AGAP1: variants seen among roughly 807,000 people sequenced by gnomAD.
The protein encoded by AGAP1 is ArfGAP with GTPase domain, ankyrin repeat and PH domain 1.
AGAP1 carries 29 observed loss-of-function variants against 105.3 expected under a neutral mutation model. The ratio of observed to expected loss-of-function variants is 0.28; its 90% CI spans 0.21 to 0.38. The LOEUF is 0.38. Among genes scored for constraint, AGAP1 ranks in the 10% least tolerant of loss-of-function variants. AGAP1 has a pLI of 1.00. For synonymous variants in AGAP1, 509 were observed against 485.9 expected, an observed-to-expected ratio of 1.05 and a Z score of -0.63; for missense variants, 998 against 1,165.1, an observed-to-expected ratio of 0.86 and a Z score of 2.09.
At chr2:235,984,684 T>A (rs1014186573) in intron 13 of AGAP1, among the ~76,000 whole-genome samples, 1 of 152,100 alleles carries the variant, frequency 6.6e-6, no homozygotes, top group African/African-American at 2.4e-5. Flanking sequence ...TTCCCACTTA[T>A]GAGTGAGAAC....
At position 235,691,110 on chromosome 2, in the gene AGAP1, C is replaced by T. The variant is rs375091709; in HGVS notation, c.164-18069C>T. 2.6e-5 allele frequency among the ~76,000 whole-genome samples: 4 copies of T among 152,234 alleles called. No homozygotes were observed. In the South Asian group the frequency reaches 8.3e-4, roughly 32 times the overall value. ...CTCCTCCAGACTCTGCTCCCTAGGCCGAGGTGAGGCCAGCAAGGAGTCTGC... is the reference window on the plus strand; with the variant it reads ...CTCCTCCAGACTCTGCTCCCTAGGCTGAGGTGAGGCCAGCAAGGAGTCTGC... On this transcript the variant is annotated intron_variant, in intron 1 of 17. Coordinates refer to ENST00000304032, the MANE Select transcript of AGAP1 (RefSeq NM_001037131.3). The surrounding 1 kb of genome is among the most constrained non-coding windows in gnomAD (Gnocchi z 4.4).
intron 13 of AGAP1, among the ~76,000 whole-genome samples, chr2:236,028,173 C>G (rs554407755): frequency 6.6e-6 from 1 of 152,260 alleles, no homozygotes; most frequent in African/African-American, 2.4e-5. Flanking sequence ...AAGCTGGTGC[C>G]CATCAGCCTG....
In AGAP1 at chr2:236,020,953, G is replaced by A. The variant is rs1268499231; in HGVS notation, c.1646-15608G>A. 6.6e-6 allele frequency among the ~76,000 whole-genome samples: 1 copy of A among 152,004 alleles called. No individual in the cohort carries two copies. The highest frequency in any genetic ancestry group is 2.4e-5 in the African/African-American group (1 of 41,392). ...GGTCAAGGTGGGTGGATCACTTGAG[G>A]TCAGACATTCGAGACCAGCCTGGTC... is the stretch of plus-strand genomic sequence containing the variant. On this transcript the variant is annotated intron_variant, in intron 13 of 17. Transcript: ENST00000304032. The surrounding 1 kb of genome is among the most constrained non-coding windows in gnomAD (Gnocchi z 5.0).
chr2:235,638,047 G>C (rs1209727500), intron 1 of AGAP1, among the ~76,000 whole-genome samples: 2 of 152,130 alleles, frequency 1.3e-5, no homozygotes, highest in Admixed American at 1.3e-4. Flanking sequence ...CACCCTCATA[G>C]ACACACCCAC....
Position 236,061,042 on chromosome 2 carries a change from A to T in AGAP1, c.2114+11761A>T, listed in dbSNP as rs2058180727. Among the ~76,000 whole-genome samples, 1 of 152,218 alleles carries T rather than the reference A, an allele frequency of 6.6e-6. No individual in the cohort carries two copies. On this transcript the variant is annotated intron_variant, in intron 16 of 17. Transcript: ENST00000304032. The surrounding 1 kb of genome is among the most constrained non-coding windows in gnomAD (Gnocchi z 4.1). ...CACGTCACTCCACTCTAGCCTGGATAACAGAACAAGACCTCGTCTGAAAAA... is the reference window on the plus strand; with the variant it reads ...CACGTCACTCCACTCTAGCCTGGATTACAGAACAAGACCTCGTCTGAAAAA...
intron 10 of AGAP1, among the ~76,000 whole-genome samples, chr2:235,898,355 T>G (rs993169275): frequency 6.6e-6 from 1 of 151,630 alleles, no homozygotes; most frequent in Non-Finnish European, 1.5e-5. Context: ...CCAGACGGCA[T>G]TTTGCAATAA....
Position 235,736,232 on chromosome 2 carries a change from G to A in AGAP1, c.311-4731G>A, listed in dbSNP as rs1952244223. 6.6e-6 allele frequency among the ~76,000 whole-genome samples: 1 copy of A among 152,010 alleles called. No homozygotes were observed. Among genetic ancestry groups the A allele is most frequent in the African/African-American group, 2.4e-5 (1 of 41,400 alleles). ...GGGAGGTGCTGTGGTTCCAGGGTGG[G>A]CGCTGGTCCCTTCCCACGGAGCTCG... On this transcript the variant is annotated intron_variant, in intron 3 of 17. Transcript: ENST00000304032. This position sits in a 1 kb window ranked among gnomAD's most constrained non-coding sequence, Gnocchi z 5.5.
At chr2:235,708,628 G>T (rs1290304939) in intron 1 of AGAP1, among the ~76,000 whole-genome samples, 1 of 152,212 alleles carries the variant, frequency 6.6e-6, no homozygotes, top group Non-Finnish European at 1.5e-5. Flanking sequence ...TCTTTCTTCT[G>T]AGCTGTAACC....
chr2:235,515,429 AGGT>A (rs1213711882), intron 1 of AGAP1, among the ~76,000 whole-genome samples: 1 of 152,206 alleles, frequency 6.6e-6, no homozygotes, highest in African/African-American at 2.4e-5. Flanking sequence ...AGAGCAGGGC[AGGT>A]CCTCAAAGGA....
chr2:236,124,048 A>G lies in AGAP1; in HGVS notation c.2500A>G (p.Met834Val), dbSNP rs370475888. ...YGCPDERFVL[M>V]ATPNLSRRNN... ...CTGCCCCGACGAGCGCTTCGTGCTC[A>G]TGGCCACCCCTAACCTGTCCAGGAG... Residue 834 changes from methionine (M) to valine (V), a missense_variant, in exon 18 of 18, where the codon ATG becomes GTG. Transcript: ENST00000304032. The surrounding 1 kb of genome is among the most constrained non-coding windows in gnomAD (Gnocchi z 5.1). 2.5e-6 allele frequency: 4 copies of G among 1,613,982 alleles called. No individual in the cohort carries two copies. The highest frequency in any genetic ancestry group is 2.7e-5 in the African/African-American group (2 of 74,922).
intron 1 of AGAP1, among the ~76,000 whole-genome samples, chr2:235,571,640 G>T (rs1427577269): frequency 6.6e-6 from 1 of 152,106 alleles, no homozygotes; most frequent in Admixed American, 6.5e-5. Context: ...AGCCCTTTGT[G>T]TTACAGGGAA....
chr2:236,016,670 G>A (rs1316894954), intron 13 of AGAP1, among the ~76,000 whole-genome samples: 1 of 152,160 alleles, frequency 6.6e-6, no homozygotes, highest in African/African-American at 2.4e-5. Context: ...GTAATACACA[G>A]CATCTGCTCT....
intron 5 of AGAP1, among the ~76,000 whole-genome samples, chr2:235,746,377 CT>C (rs1172393048): frequency 0.024 from 1,317 of 55,300 alleles, 5 homozygotes; most frequent in Non-Finnish European, 0.029. Context: ...CCTCCCCCAA[CT>C]TTTTTTTTTT....
At chr2:235,629,000 C>T (rs900812534) in intron 1 of AGAP1, among the ~76,000 whole-genome samples, 7 of 151,956 alleles carry the variant, frequency 4.6e-5, no homozygotes, top group African/African-American at 9.7e-5. Context: ...TTAGTAGAGA[C>T]GGGGTTTCAC....
intron 9 of AGAP1, among the ~76,000 whole-genome samples, chr2:235,818,886 T>C (rs147455046): frequency 1.9e-3 from 290 of 152,278 alleles, no homozygotes; most frequent in African/African-American, 6.6e-3. Flanking sequence ...TGGCCATCTT[T>C]TCTGTGCAAG....
intron 1 of AGAP1, among the ~76,000 whole-genome samples, chr2:235,644,795 G>T (rs931977073): frequency 6.6e-6 from 1 of 152,128 alleles, no homozygotes; most frequent in South Asian, 2.1e-4. Flanking sequence ...ATGTGTTGAC[G>T]CTATAGCAAT....
At chr2:235,909,680 A>G (rs901960643) in intron 11 of AGAP1, among the ~76,000 whole-genome samples, 3 of 152,318 alleles carry the variant, frequency 2.0e-5, no homozygotes, top group South Asian at 2.1e-4. Flanking sequence ...TTTCTCCTGC[A>G]GAAAGTCCAG....
In AGAP1 at chr2:235,663,843, C is replaced by T. The variant is rs183153710; in HGVS notation, c.164-45336C>T. Among the ~76,000 whole-genome samples the T allele has an allele frequency of 4.6e-5, 7 of 152,276 alleles. No homozygotes were observed. The highest frequency in any genetic ancestry group is 3.9e-4 in the East Asian group (2 of 5,188). ...TGGCGATATTAGAAGAGTTCCCTCC[C>T]GTGAATCCTGTAGAGGAAAATGTTA... On this transcript the variant is annotated intron_variant, in intron 1 of 17. Transcript: ENST00000304032. The surrounding 1 kb of genome is among the most constrained non-coding windows in gnomAD (Gnocchi z 5.4).
intron 9 of AGAP1, among the ~76,000 whole-genome samples, chr2:235,834,849 G>A (rs1225195976): frequency 6.6e-6 from 1 of 152,216 alleles, no homozygotes; most frequent in East Asian, 1.9e-4. Flanking sequence ...GGGTCTAGTG[G>A]TGGAGGATGA....
Sources: allele counts gnomAD v4.1 joint callset (sites outside exome capture counted in the v4.1 genomes callset), GRCh38; gene constraint gnomAD v4.1.1; non-coding constraint Gnocchi (gnomAD v3.1); transcripts MANE v1.5; gene names NCBI Gene and HGNC (gene_info 2026-07-23, HGNC 2026-07-21).